The following TAFA4 variants were observed in gnomAD, a reference collection of about 807,000 sequenced individuals.
TAFA4 encodes the protein chemokine-like protein TAFA-4.
Under a neutral mutation model 21.1 loss-of-function variants are expected in TAFA4, and 20 were observed. That is an observed-to-expected ratio of 0.95 (90% CI 0.67 to 1.38). The LOEUF is 1.38. TAFA4 is among the 40% of genes most tolerant of loss of function. TAFA4 has a pLI of 0.00. For synonymous variants in TAFA4, 71 were observed against 67.4 expected, an observed-to-expected ratio of 1.05 and a Z score of -0.26; for missense variants, 211 against 180.9, an observed-to-expected ratio of 1.17 and a Z score of -0.95.
intron 1 of TAFA4, among the ~76,000 whole-genome samples, chr3:68,911,860 G>C (rs1328816682): frequency 6.6e-6 from 1 of 152,148 alleles, no homozygotes; most frequent in African/African-American, 2.4e-5. Context: ...GTGGTAATAC[G>C]TTTCCGACCC....
chr3:68,771,427 T>C (rs964475659), intron 3 of TAFA4, among the ~76,000 whole-genome samples: 2 of 152,230 alleles, frequency 1.3e-5, no homozygotes, highest in African/African-American at 4.8e-5. Flanking sequence ...ATGGCCTCTG[T>C]ATCTGCCCAT....
At chr3:68,869,797 A>C (rs943120820) in intron 3 of TAFA4, among the ~76,000 whole-genome samples, 2 of 152,126 alleles carry the variant, frequency 1.3e-5, no homozygotes, top group African/African-American at 4.8e-5. Context: ...AAGATCTGGA[A>C]TAAGACAAGG....
chr3:68,915,044 T>C (rs1303628512), intron 1 of TAFA4, among the ~76,000 whole-genome samples: 1 of 152,204 alleles, frequency 6.6e-6, no homozygotes, highest in Non-Finnish European at 1.5e-5. Context: ...ATTTACTACA[T>C]AGCCATTTAT....
At chr3:68,910,941 T>G (rs528105627) in intron 1 of TAFA4, among the ~76,000 whole-genome samples, 2 of 152,348 alleles carry the variant, frequency 1.3e-5, no homozygotes, top group Admixed American at 1.3e-4. Flanking sequence ...AACTCTTACC[T>G]CCTATTAAAC....
chr3:68,829,058 C>T (rs1704317712), intron 3 of TAFA4, among the ~76,000 whole-genome samples: 1 of 152,038 alleles, frequency 6.6e-6, no homozygotes, highest in African/African-American at 2.4e-5. Context: ...CTTTAAAGTT[C>T]ATATGGAACC....
At chr3:68,760,583 G>A (rs1207231416) in intron 3 of TAFA4, among the ~76,000 whole-genome samples, 1 of 152,114 alleles carries the variant, frequency 6.6e-6, no homozygotes, top group Non-Finnish European at 1.5e-5. Flanking sequence ...TTCTTAGAAG[G>A]CATCTGTTTG....
chr3:68,757,734 C>G (rs1231953488), intron 3 of TAFA4, among the ~76,000 whole-genome samples: 1 of 152,164 alleles, frequency 6.6e-6, no homozygotes, highest in Non-Finnish European at 1.5e-5. Context: ...AGCACCAACT[C>G]TTGTATTTCA....
At chr3:68,744,047 C>G (rs1167419270) in intron 4 of TAFA4, among the ~76,000 whole-genome samples, 3 of 152,172 alleles carry the variant, frequency 2.0e-5, no homozygotes, top group Non-Finnish European at 4.4e-5. Flanking sequence ...GTTGACAGAG[C>G]TTAGTTGTAT....
intron 3 of TAFA4, among the ~76,000 whole-genome samples, chr3:68,874,052 T>C (rs759866366): frequency 6.6e-6 from 1 of 152,180 alleles, no homozygotes; most frequent in East Asian, 1.9e-4. Flanking sequence ...GTTCCCTCTC[T>C]GCTTCTAGGA....
At position 68,875,024 on chromosome 3, in the gene TAFA4, C is replaced by T. The variant is rs190687411; in HGVS notation, c.130+5706G>A. Among the ~76,000 whole-genome samples the T allele has an allele frequency of 1.9e-3, 282 of 152,208 alleles. 3 individuals are homozygous for T. Among genetic ancestry groups the T allele is most frequent in the African/African-American group, 6.5e-3 (269 of 41,532 alleles). On this transcript the variant is annotated intron_variant, in intron 3 of 5. Coordinates refer to ENST00000295569, the MANE Select transcript of TAFA4 (RefSeq NM_182522.5). ...CAACGGAGGCTAGTGGAATCCCTCA[C>T]CATGGAAGCTTTTAGCATTCAAAAA...
At chr3:68,735,478 T>C (rs992730577) in intron 5 of TAFA4, among the ~76,000 whole-genome samples, 1 of 152,108 alleles carries the variant, frequency 6.6e-6, no homozygotes, top group Non-Finnish European at 1.5e-5. Flanking sequence ...TAAGAACAAC[T>C]TTTTTAAAAG....
intron 4 of TAFA4, among the ~76,000 whole-genome samples, chr3:68,742,264 A>ATTTCTATTCAATAGAGT (rs1475622483): frequency 1.3e-5 from 2 of 152,208 alleles, no homozygotes; most frequent in African/African-American, 4.8e-5. Context: ...TACGCTCACC[A>ATTTCTATTCAATAGAGT]TTTCTATTCA....
At chr3:68,853,802 C>A (rs1213917536) in intron 3 of TAFA4, among the ~76,000 whole-genome samples, 1 of 152,146 alleles carries the variant, frequency 6.6e-6, no homozygotes, top group Non-Finnish European at 1.5e-5. Flanking sequence ...TGACTTTTGG[C>A]TAGCTGTTCA....
At chr3:68,881,745 T>C (rs954786921) in intron 2 of TAFA4, among the ~76,000 whole-genome samples, 1 of 152,208 alleles carries the variant, frequency 6.6e-6, no homozygotes, top group African/African-American at 2.4e-5. Flanking sequence ...TGCAAATGTA[T>C]ACACACTTAT....
intron 5 of TAFA4, among the ~76,000 whole-genome samples, chr3:68,735,633 G>A (rs896072954): frequency 3.3e-5 from 5 of 152,026 alleles, no homozygotes; most frequent in African/African-American, 1.2e-4. Flanking sequence ...CTAAGGGACA[G>A]GCAGATTAGA....
chr3:68,847,629 G>A (rs1040897835), intron 3 of TAFA4, among the ~76,000 whole-genome samples: 1 of 152,234 alleles, frequency 6.6e-6, no homozygotes, highest in African/African-American at 2.4e-5. Context: ...GGGCCCTGGT[G>A]GCATAGGCAC....
intron 3 of TAFA4, among the ~76,000 whole-genome samples, chr3:68,755,152 A>G (rs1042529455): frequency 2.6e-5 from 4 of 152,122 alleles, no homozygotes; most frequent in Non-Finnish European, 1.5e-5. Flanking sequence ...CTACTCTCCC[A>G]ACAACTCTCT....
At chr3:68,756,222 C>A (rs1479664394) in intron 3 of TAFA4, among the ~76,000 whole-genome samples, 1 of 152,158 alleles carries the variant, frequency 6.6e-6, no homozygotes, top group Admixed American at 6.5e-5. Context: ...TCTGGCTATA[C>A]CCAGCTGGGG....
chr3:68,825,925 G>C (rs183634055), intron 3 of TAFA4, among the ~76,000 whole-genome samples: 2 of 152,292 alleles, frequency 1.3e-5, no homozygotes, highest in East Asian at 3.9e-4. Flanking sequence ...GAGCAACACT[G>C]TCAGTTACCC....
Sources: gnomAD v4.1 joint callset for allele counts (sites outside exome capture counted in the v4.1 genomes callset) on GRCh38, gnomAD v4.1.1 for gene constraint, MANE v1.5 for transcripts, NCBI Gene and HGNC (gene_info 2026-07-23, HGNC 2026-07-21) for gene names.